Variants in OXLD1 observed in about 807,000 individuals in gnomAD.
OXLD1 encodes oxidoreductase-like domain-containing protein 1.
Under a neutral mutation model 3.1 loss-of-function variants are expected in OXLD1, and 4 were observed. The ratio of observed to expected loss-of-function variants is 1.28; its 90% CI spans 0.63 to 2.92. The LOEUF is 2.92. Among genes scored for constraint, OXLD1 ranks in the 30% most tolerant of loss-of-function variants. The pLI is 0.01. For synonymous variants in OXLD1, 100 were observed against 87.0 expected (o/e 1.15, Z -0.83); for missense variants, 240 against 204.6 (o/e 1.17, Z -1.05).
rs2036569373 is a variant in OXLD1, at chr17:81,665,114, C to G, written c.*87G>C. On this transcript the variant is annotated 3_prime_UTR_variant, in exon 2 of 2. Coordinates refer to ENST00000374741, the MANE Select transcript of OXLD1 (RefSeq NM_001039842.3). ...TAATTCTTCCTATTCCCGTTGGACA[C>G]AAGGAGTCTGTGAGGGGGTGTGAAG... 7.0e-7 allele frequency: 1 copy of G among 1,436,554 alleles called. No homozygotes were observed. Among genetic ancestry groups the G allele is most frequent in the South Asian group, 1.4e-5 (1 of 73,142 alleles). The allele number at this position is 1,436,554 out of a possible 1,614,324, so 89.0% of individuals were successfully genotyped here.
intron 1 of OXLD1, chr17:81,665,800 C>T: frequency 1.7e-6 from 1 of 592,892 alleles, no homozygotes; most frequent in Non-Finnish European, 2.8e-6. Flanking sequence ...GTGTGATTCA[C>T]AAGAAGTGCC....
intron 1 of OXLD1, 179 bp downstream of exon 1, chr17:81,666,338 TA>T: frequency 1.5e-6 from 1 of 664,874 alleles, no homozygotes; most frequent in Non-Finnish European, 2.4e-6. Context: ...GGGGACTCGG[TA>T]AGAGCCGATG....
chr17:81,665,976 C>T, intron 1 of OXLD1: 1 of 378,670 alleles, frequency 2.6e-6, no homozygotes, highest in Non-Finnish European at 4.7e-6. Context: ...TAACCAAGCC[C>T]CACCACCTCT....
At chr17:81,665,617 G>T in intron 1 of OXLD1, 33 bp from the exon 2 acceptor site, 1 of 1,542,502 alleles carries the variant, frequency 6.5e-7, no homozygotes, top group Non-Finnish European at 8.7e-7. Context: ...GACTCTCCAG[G>T]AAGCTGGTGA....
In OXLD1 at chr17:81,665,581, C is replaced by T. The variant is rs147159882; in HGVS notation, c.64G>A (p.Ala22Thr). Residue 22 changes from alanine to threonine, a missense_variant, in exon 2 of 2, where the codon GCT becomes ACT. Ala to Thr is a moderately conservative substitution (Grantham distance 58). Transcript: ENST00000374741. ...AVAAAVRGSG[A>T]RRFSSPDCCQ... is the part of the protein sequence containing the mutation. The stretch of plus-strand genomic sequence containing the variant: ...CAGTCCGGGCTGGAGAACCGGCGAG[C>T]CCCCTGAGGATGCAGACAAACATGT... 5 of 1,580,632 alleles carry T rather than the reference C, an allele frequency of 3.2e-6. No individual in the cohort carries two copies. The highest frequency in any genetic ancestry group is 4.5e-5 in the East Asian group (2 of 44,450).
At chr17:81,665,619 A>T (rs941346344) in intron 1 of OXLD1, 35 bp from the exon 2 acceptor site, 17 of 1,541,952 alleles carry the variant, frequency 1.1e-5, no homozygotes, top group Non-Finnish European at 1.4e-5. Context: ...CTCTCCAGGA[A>T]GCTGGTGAGG....
intron 1 of OXLD1, 39 bp downstream of exon 1, chr17:81,666,479 G>A (rs567196580): frequency 9.2e-6 from 14 of 1,525,328 alleles, no homozygotes; most frequent in East Asian, 5.1e-5. Context: ...CCTCTCGGAC[G>A]TGCCCTTCGG....
intron 1 of OXLD1, 87 bp downstream of exon 1, chr17:81,666,430 CG>C: frequency 6.8e-7 from 1 of 1,461,252 alleles, no homozygotes; most frequent in South Asian, 1.3e-5. Flanking sequence ...GTGGAGGGGC[CG>C]GGGCTCCTCC....
At chr17:81,665,866 G>A (rs2036601672) in intron 1 of OXLD1, 1 of 485,482 alleles carries the variant, frequency 2.1e-6, no homozygotes. Flanking sequence ...GGGTGGGGGA[G>A]GCACTCGACA....
rs145759374 is a variant in OXLD1, at chr17:81,665,364, C to T, written c.281G>A (p.Gly94Asp). 9.7e-5 allele frequency: 157 copies of T among 1,613,508 alleles called. No individual in the cohort carries two copies. The highest frequency in any genetic ancestry group is 1.3e-4 in the Non-Finnish European group (155 of 1,180,028). ...CTCCACCCACACGCAGTTGGGGCAG[C>T]CACTCATGCAGCAGTTTGTGGGCGG... ...LQPPTNCCMS[G>D]CPNCVWVEYA... The change falls in exon 2 of 2, where the codon GGC (glycine) becomes GAC (aspartate). Residue 94 changes from glycine (G) to aspartate (D), a missense_variant. By Grantham distance (94) the Gly-to-Asp change is moderately conservative. Transcript: ENST00000374741.
intron 1 of OXLD1, chr17:81,665,879 TC>T: frequency 2.1e-6 from 1 of 473,320 alleles, no homozygotes; most frequent in South Asian, 3.0e-5. Context: ...ACTCGACACC[TC>T]CAGCTAAGAT....
chr17:81,666,578 C>A lies in OXLD1; in HGVS notation c.-1G>T, dbSNP rs777306005. The A allele has an allele frequency of 4.1e-6, 6 of 1,460,594 alleles. No individual in the cohort carries two copies. In the South Asian group the frequency reaches 6.7e-5, roughly 16 times the overall value. 90.5% of individuals were successfully genotyped at this position (1,460,594 alleles called of 1,614,324 possible). On this transcript the variant is annotated 5_prime_UTR_variant, in exon 1 of 2. Transcript: ENST00000374741. ...CCTCGACCACCCTCCGCAGCAGCAT[C>A]GCCCGCGGACGGGATCCGGCAACCC... is the stretch of plus-strand genomic sequence containing the variant.
In OXLD1 at chr17:81,665,157, C is replaced by T. The variant is rs1446324802; in HGVS notation, c.*44G>A. 2.6e-6 allele frequency: 4 copies of T among 1,540,770 alleles called. No homozygotes were observed. Among genetic ancestry groups the T allele is most frequent in the Non-Finnish European group, 2.6e-6 (3 of 1,141,418 alleles). On this transcript the variant is annotated 3_prime_UTR_variant, in exon 2 of 2. Coordinates refer to ENST00000374741, the MANE Select transcript of OXLD1 (RefSeq NM_001039842.3). ...GTGTGAAGGAAGGAGGCTGCGGCTG[C>T]GTCCTGGACTCCGTCCTGCGGTAGG...
chr17:81,666,584 C>T lies in OXLD1; in HGVS notation c.-7G>A. On this transcript the variant is annotated 5_prime_UTR_variant, in exon 1 of 2. Transcript: ENST00000374741. ...CCACCCTCCGCAGCAGCATCGCCCG[C>T]GGACGGGATCCGGCAACCCCTGACC... 1.4e-6 allele frequency: 2 copies of T among 1,454,902 alleles called. No individual in the cohort carries two copies. The highest frequency in any genetic ancestry group is 2.9e-5 in the African/African-American group (2 of 68,428). The allele number at this position is 1,454,902 out of a possible 1,614,324, so 90.1% of individuals were successfully genotyped here.
At chr17:81,666,387 G>A (rs907482372) in intron 1 of OXLD1, 131 bp downstream of exon 1, 6 of 1,118,522 alleles carry the variant, frequency 5.4e-6, no homozygotes, top group African/African-American at 1.6e-5. Flanking sequence ...GGCGGCCAGC[G>A]CGCGATCCTC....
intron 1 of OXLD1, 32 bp downstream of exon 1, chr17:81,666,486 T>C (rs1476170813): frequency 6.5e-7 from 1 of 1,528,660 alleles, no homozygotes; most frequent in East Asian, 2.5e-5. Context: ...GACGTGCCCT[T>C]CGGCGCTGCC....
rs2036572321 is a variant in OXLD1, at chr17:81,665,180, AG to A, written c.*20del. On this transcript the variant is annotated 3_prime_UTR_variant, in exon 2 of 2. Coordinates refer to ENST00000374741, the MANE Select transcript of OXLD1 (RefSeq NM_001039842.3). ...TGCGTCCTGGACTCCGTCCTGCGGT[AG>A]GGAGTCCAGCAGGGATGGCTCAGCC... 6.3e-7 allele frequency: 1 copy of A among 1,589,692 alleles called. No homozygotes were observed. Among genetic ancestry groups the A allele is most frequent in the African/African-American group, 1.3e-5 (1 of 74,588 alleles).
Position 81,665,186 on chromosome 17 carries a change from T to TC in OXLD1, c.*14dup, listed in dbSNP as rs779355088. On this transcript the variant is annotated 3_prime_UTR_variant, in exon 2 of 2. Transcript: ENST00000374741. ...CTGGACTCCGTCCTGCGGTAGGGAG[T>TC]CCAGCAGGGATGGCTCAGCCTCCGC... The TC allele has an allele frequency of 6.3e-7, 1 of 1,595,104 alleles. No individual in the cohort carries two copies. The highest frequency in any genetic ancestry group is 8.6e-7 in the Non-Finnish European group (1 of 1,169,420).
Position 81,665,330 on chromosome 17 carries a change from G to T in OXLD1, c.315C>A (p.Asp105Glu). 1 of 1,613,492 alleles carries T rather than the reference G, an allele frequency of 6.2e-7. No individual in the cohort carries two copies. ...CPNCVWVEYA[D>E]RLLQHFQDGG... ...CGTCCTGGAAGTGCTGCAGCAGCCT[G>T]TCCGCGTACTCCACCCACACGCAGT... The change falls in exon 2 of 2, where the codon GAC becomes GAA. Residue 105 changes from aspartate to glutamate, a missense_variant. By Grantham distance (45) the Asp-to-Glu change is conservative (BLOSUM62 2). Coordinates refer to ENST00000374741, the MANE Select transcript of OXLD1 (RefSeq NM_001039842.3).
Sources: allele counts gnomAD v4.1 joint callset, GRCh38; gene constraint gnomAD v4.1.1; transcripts MANE v1.5; gene names NCBI Gene and HGNC (gene_info 2026-07-23, HGNC 2026-07-21).